PTPRN2: variants seen among roughly 807,000 people sequenced by gnomAD.
PTPRN2 encodes the protein protein tyrosine phosphatase receptor type N2, also known as receptor-type tyrosine-protein phosphatase N2.
Under a neutral mutation model 118.8 loss-of-function variants are expected in PTPRN2, and 74 were observed. That is an observed-to-expected ratio of 0.62 (90% CI 0.52 to 0.76). The LOEUF is 0.76. Ranked by LOEUF, PTPRN2 falls within the 30% of genes least tolerant of loss-of-function variation. PTPRN2 has a pLI of 0.00. For missense variants in PTPRN2, 1,481 were observed against 1,394.4 expected (o/e 1.06, Z -0.99); for synonymous variants, 641 against 608.0 (o/e 1.05, Z -0.80).
At chr7:157,675,557 T>C (rs1263958677) in intron 13 of PTPRN2, among the ~76,000 whole-genome samples, 1 of 152,202 alleles carries the variant, frequency 6.6e-6, no homozygotes, top group Admixed American at 6.5e-5. Flanking sequence ...TCAGTTTTAG[T>C]TCAGAAAATG....
At chr7:158,424,193 C>T (rs1381297669) in intron 2 of PTPRN2, among the ~76,000 whole-genome samples, 1 of 152,050 alleles carries the variant, frequency 6.6e-6, no homozygotes, top group Admixed American at 6.5e-5. Context: ...GCAGAGAGGC[C>T]AGAGAGGGGA....
chr7:157,836,262 C>G (rs1279007554), intron 12 of PTPRN2, among the ~76,000 whole-genome samples: 1 of 152,192 alleles, frequency 6.6e-6, no homozygotes, highest in Non-Finnish European at 1.5e-5. Flanking sequence ...TGGATGATGG[C>G]AGGTTTATTG....
chr7:157,658,256 AAAG>A (rs1257321363), intron 13 of PTPRN2, among the ~76,000 whole-genome samples: 7 of 152,296 alleles, frequency 4.6e-5, no homozygotes, highest in African/African-American at 1.4e-4. Context: ...TCTGCAGAAA[AAAG>A]AAGAACCTCA....
intron 12 of PTPRN2, among the ~76,000 whole-genome samples, chr7:157,718,291 A>G (rs1399843977): frequency 6.6e-6 from 1 of 152,244 alleles, no homozygotes; most frequent in African/African-American, 2.4e-5. Flanking sequence ...TATTTTTAAA[A>G]CAATTCATGT....
At chr7:157,809,854 C>T (rs1039364289) in intron 12 of PTPRN2, among the ~76,000 whole-genome samples, 5 of 152,218 alleles carry the variant, frequency 3.3e-5, no homozygotes, top group Non-Finnish European at 5.9e-5. Context: ...CACAGGAAAC[C>T]GTCTCACTGG....
intron 3 of PTPRN2, among the ~76,000 whole-genome samples, chr7:158,236,454 G>T (rs557455273): frequency 6.6e-6 from 1 of 152,234 alleles, no homozygotes; most frequent in East Asian, 1.9e-4. Context: ...GGCTGCCTGG[G>T]CCCTGGGCCC....
Position 158,071,300 on chromosome 7 carries a change from G to A in PTPRN2, c.1723+9998C>T, listed in dbSNP as rs1339069353. 9.6e-4 allele frequency among the ~76,000 whole-genome samples: 104 copies of A among 108,030 alleles called. 2 individuals carry two copies. Among genetic ancestry groups the A allele is most frequent in the African/African-American group, 1.7e-3 (45 of 25,892 alleles). 70.9% of individuals were successfully genotyped at this position (108,030 alleles called of 152,430 possible). ...TGCCCGTGGTGGTGGAGGTGCTCGT[G>A]GTGGAGGTGCCCATGGTAGTGGAGG... On this transcript the variant is annotated intron_variant, in intron 11 of 22. Transcript: ENST00000389418.
At chr7:158,278,838 T>C (rs1799216429) in intron 3 of PTPRN2, among the ~76,000 whole-genome samples, 1 of 152,066 alleles carries the variant, frequency 6.6e-6, no homozygotes. Context: ...TGTTCATTCC[T>C]CCCAGTGGGT....
At chr7:158,041,221 T>C (rs1808439453) in intron 11 of PTPRN2, among the ~76,000 whole-genome samples, 1 of 152,168 alleles carries the variant, frequency 6.6e-6, no homozygotes, top group African/African-American at 2.4e-5. Context: ...GAAGCCAGGG[T>C]ACTTGGAAGA....
chr7:157,995,646 G>C (rs569115848), intron 11 of PTPRN2, among the ~76,000 whole-genome samples: 1 of 152,394 alleles, frequency 6.6e-6, no homozygotes, highest in South Asian at 2.1e-4. Flanking sequence ...TGGACCAAGG[G>C]CTTGCCAGCC....
At chr7:158,342,945 G>A (rs920142080) in intron 2 of PTPRN2, among the ~76,000 whole-genome samples, 1 of 152,146 alleles carries the variant, frequency 6.6e-6, no homozygotes, top group Admixed American at 6.5e-5. Context: ...GACAAGTGCT[G>A]GGTTCTTTTC....
chr7:158,379,165 G>C (rs1810770129), intron 2 of PTPRN2, among the ~76,000 whole-genome samples: 1 of 152,168 alleles, frequency 6.6e-6, no homozygotes, highest in Middle Eastern at 3.2e-3. Context: ...CTGCCCCCTA[G>C]AGCAGAGAAC....
chr7:157,799,161 G>A (rs992426534), intron 12 of PTPRN2, among the ~76,000 whole-genome samples: 4 of 152,188 alleles, frequency 2.6e-5, no homozygotes, highest in Admixed American at 2.6e-4. Context: ...AGCAGGAGCA[G>A]GAGCACGCTG....
At chr7:158,051,409 G>A (rs1324178897) in intron 11 of PTPRN2, among the ~76,000 whole-genome samples, 1 of 152,158 alleles carries the variant, frequency 6.6e-6, no homozygotes, top group Non-Finnish European at 1.5e-5. Flanking sequence ...GGAGCTGCTG[G>A]CCCCAGCCTG....
chr7:158,024,890 A>G (rs939820868), intron 11 of PTPRN2, among the ~76,000 whole-genome samples: 3 of 152,234 alleles, frequency 2.0e-5, no homozygotes, highest in Non-Finnish European at 4.4e-5. Flanking sequence ...AATAAGCAAC[A>G]AAATTTACCT....
At chr7:158,098,438 G>A (rs1814850835) in intron 10 of PTPRN2, among the ~76,000 whole-genome samples, 1 of 152,206 alleles carries the variant, frequency 6.6e-6, no homozygotes, top group Non-Finnish European at 1.5e-5. Flanking sequence ...GCCCGAGGGT[G>A]ACGCTTACCC....
intron 2 of PTPRN2, among the ~76,000 whole-genome samples, chr7:158,370,746 C>T (rs1809925651): frequency 6.6e-6 from 1 of 151,976 alleles, no homozygotes; most frequent in Non-Finnish European, 1.5e-5. Flanking sequence ...AGCGAGACTC[C>T]TGTCTCAAAA....
chr7:157,568,800 C>A (rs375157943), intron 21 of PTPRN2, 102 bp downstream of exon 21: 1 of 1,244,764 alleles, frequency 8.0e-7, no homozygotes, highest in Non-Finnish European at 1.2e-6. Context: ...CAACAAGCAG[C>A]GAATTTTTTC....
intron 1 of PTPRN2, among the ~76,000 whole-genome samples, chr7:158,551,491 T>C (rs1182884002): frequency 7.0e-6 from 1 of 143,008 alleles, no homozygotes; most frequent in Non-Finnish European, 1.5e-5. Context: ...CACATGCATT[T>C]GGGGGGCCCC....
Sources: gnomAD v4.1 joint callset for allele counts (sites outside exome capture counted in the v4.1 genomes callset) on GRCh38, gnomAD v4.1.1 for gene constraint, MANE v1.5 for transcripts, NCBI Gene and HGNC (gene_info 2026-07-23, HGNC 2026-07-21) for gene names.